UBAP2L: variants seen among roughly 807,000 people sequenced by gnomAD.
UBAP2L encodes the protein ubiquitin associated protein 2 like.
A neutral mutation model predicts 130.6 loss-of-function variants in UBAP2L; 12 were observed. That is an observed-to-expected ratio of 0.09 (90% CI 0.06 to 0.15). UBAP2L has a LOEUF of 0.15. UBAP2L is among the 10% of genes least tolerant of loss of function. The pLI is 1.00. For synonymous variants in UBAP2L, 503 were observed against 524.7 expected, an observed-to-expected ratio of 0.96 and a Z score of 0.57; for missense variants, 965 against 1,332.5, an observed-to-expected ratio of 0.72 and a Z score of 4.29.
At chr1:154,244,633 C>T (rs555281974) in intron 10 of UBAP2L, among the ~76,000 whole-genome samples, 1 of 152,180 alleles carries the variant, frequency 6.6e-6, no homozygotes, top group South Asian at 2.1e-4. Flanking sequence ...GCTGGGATTA[C>T]AGGTGTGAGC....
At position 154,261,074 on chromosome 1, in the gene UBAP2L, C is replaced by G. The variant is rs1681387541; in HGVS notation, c.2761C>G (p.Pro921Ala). Residue 921 changes from proline to alanine, a missense_variant, in exon 23 of 27, where the codon CCC (proline) becomes GCC (alanine). Physicochemically the swap from Pro to Ala is conservative, Grantham distance 27 (BLOSUM62 -1). Around this residue, in one of 9 missense-constraint regions of UBAP2L, gnomAD observed 194 missense variants for 334.0 expected, o/e 0.58. Transcript: ENST00000428931. Reference protein sequence around the residue: ...LPYYTGVPGLPSTFQYGPAVF... With the variant: ...LPYYTGVPGLASTFQYGPAVF... ...ATACTATACAGGGGTCCCGGGCCTCCCCAGCACCTTCCAGTATGGGCCTGC... is the reference window on the plus strand; with the variant it reads ...ATACTATACAGGGGTCCCGGGCCTCGCCAGCACCTTCCAGTATGGGCCTGC... 1.1e-5 allele frequency: 17 copies of G among 1,614,204 alleles called. No individual in the cohort carries two copies. The highest frequency in any genetic ancestry group is 1.4e-5 in the Non-Finnish European group (17 of 1,180,026).
intron 14 of UBAP2L, among the ~76,000 whole-genome samples, chr1:154,253,683 T>C (rs1678655164): frequency 6.6e-6 from 1 of 152,188 alleles, no homozygotes; most frequent in Admixed American, 6.5e-5. Context: ...AGATGTTTTT[T>C]TAAGATTAAT....
At chr1:154,230,851 G>A (rs895979849) in intron 4 of UBAP2L, among the ~76,000 whole-genome samples, 3 of 152,194 alleles carry the variant, frequency 2.0e-5, no homozygotes, top group Non-Finnish European at 4.4e-5. Flanking sequence ...GAAGATAATA[G>A]TAATTCTTTC....
At chr1:154,271,132 A>C (rs112856173), downstream of UBAP2L, 9,840 of 598,284 alleles carry the variant, frequency 0.016, 132 homozygotes, top group Non-Finnish European at 0.02. Flanking sequence ...TGCTACATCT[A>C]CAGCCGATTT....
At chr1:154,222,123 C>T (rs1320840298) in intron 1 of UBAP2L, among the ~76,000 whole-genome samples, 1 of 152,168 alleles carries the variant, frequency 6.6e-6, no homozygotes, top group African/African-American at 2.4e-5. Context: ...TTGCCTTTGA[C>T]TCTCCCTGAT....
chr1:154,259,278 G>A (rs927564284), intron 21 of UBAP2L, among the ~76,000 whole-genome samples: 5 of 151,774 alleles, frequency 3.3e-5, no homozygotes, highest in South Asian at 2.1e-4. Context: ...TGCAACCTCC[G>A]CCGCCTGGGT....
Position 154,251,081 on chromosome 1 carries a change from T to C in UBAP2L, c.1254T>C (p.Phe418=), listed in dbSNP as rs770251996. The C allele has an allele frequency of 1.9e-6, 3 of 1,614,052 alleles. No homozygotes were observed. In the Admixed American group the frequency reaches 5.0e-5, roughly 27 times the overall value. The change falls in exon 13 of 27, where the codon TTT becomes TTC. Residue 418 remains phenylalanine, a synonymous_variant. Coordinates refer to ENST00000428931, the MANE Select transcript of UBAP2L (RefSeq NM_014847.4). ...NPSDSAVHSP[F]TKRQAFTPSS... Reference sequence around the variant, plus strand: ...GTGATTCAGCAGTGCACAGCCCCTTTACAAAGCGCCAGGCTTTTACCCCAT... The same window carrying C: ...GTGATTCAGCAGTGCACAGCCCCTTCACAAAGCGCCAGGCTTTTACCCCAT...
Position 154,270,208 on chromosome 1 carries a change from C to T in UBAP2L, c.3177C>T (p.Ser1059=), listed in dbSNP as rs200492960. The T allele has an allele frequency of 2.4e-5, 39 of 1,598,334 alleles. No homozygotes were observed. The highest frequency in any genetic ancestry group is 3.2e-5 in the Non-Finnish European group (37 of 1,170,434). Residue 1059 remains serine (S), a synonymous_variant, in exon 27 of 27, where the codon AGC becomes AGT. Transcript: ENST00000428931. ...HHLQQDGQTG[S]GQRSQTSSIP... ...CTCCCATTCCCCTGCAGACGGGCAG[C>T]GGGCAACGTAGCCAGACCAGCTCCA...
chr1:154,228,532 A>T, intron 3 of UBAP2L, 83 bp from the exon 4 acceptor site: 6 of 1,047,558 alleles, frequency 5.7e-6, no homozygotes, highest in Non-Finnish European at 8.7e-6. Context: ...CTCAACTGAT[A>T]GCGTTTCCCT....
chr1:154,245,620 AG>A (rs1464635709), intron 10 of UBAP2L, among the ~76,000 whole-genome samples: 2 of 152,218 alleles, frequency 1.3e-5, no homozygotes, highest in Non-Finnish European at 2.9e-5. Flanking sequence ...TGTTAAAACT[AG>A]CATTTGAGGC....
At chr1:154,242,969 A>G (rs1674064059) in intron 9 of UBAP2L, 1 of 255,804 alleles carries the variant, frequency 3.9e-6, no homozygotes, top group Non-Finnish European at 7.5e-6. Flanking sequence ...CTGTAAGTTC[A>G]GTATGCATAT....
chr1:154,259,428 A>G (rs1172767913), intron 21 of UBAP2L, among the ~76,000 whole-genome samples: 1 of 151,542 alleles, frequency 6.6e-6, no homozygotes. Context: ...TCCTGACCTT[A>G]TGATCCACCC....
At chr1:154,261,737 G>T (rs781768623) in intron 24 of UBAP2L, 40 bp downstream of exon 24, 2 of 1,593,142 alleles carry the variant, frequency 1.3e-6, no homozygotes, top group South Asian at 2.2e-5. Context: ...TATCTGTGGG[G>T]TGTTATTGGA....
intron 4 of UBAP2L, among the ~76,000 whole-genome samples, 196 bp downstream of exon 4, chr1:154,228,921 A>G (rs1246304619): frequency 2.0e-5 from 3 of 152,188 alleles, no homozygotes; most frequent in Non-Finnish European, 2.9e-5. Context: ...TTTTATGAGG[A>G]TAATGCTCAT....
chr1:154,235,112 ATATAT>A (rs1671184921), intron 5 of UBAP2L, 79 bp from the exon 6 acceptor site: 2 of 687,084 alleles, frequency 2.9e-6, no homozygotes, highest in Non-Finnish European at 5.3e-6. Flanking sequence ...ATATATTTGT[ATATAT>A]CCTGTTGACT....
At chr1:154,264,030 C>T (rs1247124862) in intron 24 of UBAP2L, among the ~76,000 whole-genome samples, 1 of 152,146 alleles carries the variant, frequency 6.6e-6, no homozygotes, top group Admixed American at 6.6e-5. Flanking sequence ...TTTCAGAGAT[C>T]GTGGATTACC....
Position 154,259,171 on chromosome 1 carries a change from T to C in UBAP2L, c.2496+141T>C, listed in dbSNP as rs547065484. ...TTAAGGCATATTAGAATATAGGGAT[T>C]TGGGGGAGGGTTTCCAACAGAAGAT... is the stretch of plus-strand genomic sequence containing the variant. On this transcript the variant is annotated intron_variant, in intron 21 of 26. Transcript: ENST00000428931. 515 of 741,680 alleles carry C rather than the reference T, an allele frequency of 6.9e-4. 7 individuals carry two copies. In the South Asian group the frequency reaches 7.1e-3, roughly 10 times the overall value. 45.9% of individuals were successfully genotyped at this position (741,680 alleles called of 1,614,324 possible).
At chr1:154,266,393 T>A in intron 24 of UBAP2L, 108 bp from the exon 25 acceptor site, 1 of 1,204,302 alleles carries the variant, frequency 8.3e-7, no homozygotes, top group Non-Finnish European at 1.2e-6. Flanking sequence ...CGACCAAAAT[T>A]CCCTTGCATT....
upstream of UBAP2L, chr1:154,220,279 C>CA: frequency 6.3e-6 from 10 of 1,591,268 alleles, no homozygotes; most frequent in Non-Finnish European, 8.6e-6. Context: ...GGGTACAGCT[C>CA]AAAAGGAGGG....
Sources: gnomAD v4.1 joint callset for allele counts (sites outside exome capture counted in the v4.1 genomes callset) on GRCh38, gnomAD v4.1.1 for gene constraint, gnomAD v4.1.1 regional missense constraint, MANE v1.5 for transcripts, NCBI Gene and HGNC (gene_info 2026-07-23, HGNC 2026-07-21) for gene names.